The following ATOH8 variants were observed in gnomAD, a reference collection of about 807,000 sequenced individuals.
ATOH8 encodes the protein atonal bHLH transcription factor 8.
Under a neutral mutation model 21.2 loss-of-function variants are expected in ATOH8, and 9 were observed. The ratio of observed to expected loss-of-function variants is 0.42; its 90% CI spans 0.26 to 0.74. The LOEUF (loss-of-function observed/expected upper bound fraction) is 0.74, where lower values mean the gene tolerates loss of function less well. Ranked by LOEUF, ATOH8 falls within the 30% of genes least tolerant of loss-of-function variation. The pLI, the probability that ATOH8 is intolerant of heterozygous loss-of-function variation, is 0.24. For missense variants in ATOH8, 524 were observed against 470.9 expected, an observed-to-expected ratio of 1.11 and a Z score of -1.04; for synonymous variants, 253 against 224.0, an observed-to-expected ratio of 1.13 and a Z score of -1.16.
chr2:85,779,904 A>T (rs1331085182), intron 2 of ATOH8, among the ~76,000 whole-genome samples: 1 of 152,048 alleles, frequency 6.6e-6, no homozygotes, highest in East Asian at 1.9e-4. Flanking sequence ...CCCTGGGAGG[A>T]TGGGGTGCTC....
chr2:85,776,054 G>T (rs558394642), intron 2 of ATOH8, among the ~76,000 whole-genome samples: 1 of 152,194 alleles, frequency 6.6e-6, no homozygotes, highest in East Asian at 1.9e-4. Context: ...GCACTTTCCG[G>T]TTTGCAGAGC....
At chr2:85,768,178 G>A (rs982566572) in intron 2 of ATOH8, among the ~76,000 whole-genome samples, 1 of 152,196 alleles carries the variant, frequency 6.6e-6, no homozygotes, top group African/African-American at 2.4e-5. Context: ...GTCCATTGCT[G>A]TTCCTCTCTG....
chr2:85,758,690 CTCTGGTCTGG>C (rs752673245), intron 1 of ATOH8, among the ~76,000 whole-genome samples: 1 of 152,176 alleles, frequency 6.6e-6, no homozygotes, highest in Non-Finnish European at 1.5e-5. Context: ...GAGAGAGGCC[CTCTGGTCTGG>C]TCTGGTCTGG....
Position 85,754,665 on chromosome 2 carries a change from C to G in ATOH8, c.476C>G (p.Pro159Arg), listed in dbSNP as rs762860338. The stretch of plus-strand genomic sequence containing the variant: ...CGTCCTCGCATCTTGCTGTGCGCAC[C>G]GCCCGCGCGCCCCGCGCCGTCAGCA... ...GLRPRILLCA[P>R]PARPAPSAPP... is the part of the protein sequence containing the mutation. The change falls in exon 1 of 3, where the codon CCG (proline) becomes CGG (arginine). Residue 159 changes from proline to arginine, a missense_variant. Coordinates refer to ENST00000306279, the MANE Select transcript of ATOH8 (RefSeq NM_032827.7). The G allele has an allele frequency of 2.6e-6, 4 of 1,543,166 alleles. No homozygotes were observed. The highest frequency in any genetic ancestry group is 3.4e-4 in the Middle Eastern group (2 of 5,844).
At chr2:85,756,187 G>A (rs1679689143) in intron 1 of ATOH8, among the ~76,000 whole-genome samples, 1 of 150,446 alleles carries the variant, frequency 6.6e-6, no homozygotes, top group Admixed American at 6.6e-5. Flanking sequence ...GTGGGGTGGG[G>A]GTGGGGGTGG....
chr2:85,771,651 A>T (rs1215276111), intron 2 of ATOH8, among the ~76,000 whole-genome samples: 1 of 152,184 alleles, frequency 6.6e-6, no homozygotes, highest in African/African-American at 2.4e-5. Context: ...AAATCCTCGG[A>T]TGTCAAAGTA....
At chr2:85,764,645 G>GTCATTCAT (rs889822589) in intron 2 of ATOH8, among the ~76,000 whole-genome samples, 3 of 152,162 alleles carry the variant, frequency 2.0e-5, no homozygotes, top group Non-Finnish European at 2.9e-5. Context: ...GGCGGTGATG[G>GTCATTCAT]TCATTCATTC....
chr2:85,774,575 G>C, intron 2 of ATOH8: 1 of 985,644 alleles, frequency 1.0e-6, no homozygotes, highest in Middle Eastern at 5.2e-4. Flanking sequence ...ACCGGCGCCT[G>C]TCTTAGCTGC....
chr2:85,789,037 C>A lies in ATOH8; in HGVS notation c.*2147C>A, dbSNP rs939920188. ...GTTGTCCCTCGGAGCCTCTGAGTAA[C>A]CCTGATGGCACTTCCTAAGGCAGCA... On this transcript the variant is annotated 3_prime_UTR_variant, in exon 3 of 3. Coordinates refer to ENST00000306279, the MANE Select transcript of ATOH8 (RefSeq NM_032827.7). Among the ~76,000 whole-genome samples the A allele has an allele frequency of 3.3e-5, 5 of 152,148 alleles. No homozygotes were observed. The highest frequency in any genetic ancestry group is 1.5e-5 in the Non-Finnish European group (1 of 68,020).
At position 85,779,490 on chromosome 2, in the gene ATOH8, C is replaced by T. The variant is rs888490441; in HGVS notation, c.961-7395C>T. On this transcript the variant is annotated intron_variant, in intron 2 of 2. Coordinates refer to ENST00000306279, the MANE Select transcript of ATOH8 (RefSeq NM_032827.7). ...GCTGCCTCTGCAGGCCCAGTGGGCT[C>T]CTCTAAGCTCTGGCCCTGGCCCTGG... is the stretch of plus-strand genomic sequence containing the variant. 3.9e-5 allele frequency among the ~76,000 whole-genome samples: 6 copies of T among 152,234 alleles called. No homozygotes were observed. In the East Asian group the frequency reaches 1.2e-3, roughly 29 times the overall value.
chr2:85,769,408 G>T (rs1295079729), intron 2 of ATOH8, among the ~76,000 whole-genome samples: 1 of 152,228 alleles, frequency 6.6e-6, no homozygotes, highest in African/African-American at 2.4e-5. Flanking sequence ...GCCTGCAGCC[G>T]TGTGCCAGTG....
At chr2:85,764,233 G>A (rs780536843) in intron 2 of ATOH8, 51 bp downstream of exon 2, 2 of 1,602,276 alleles carry the variant, frequency 1.2e-6, no homozygotes, top group South Asian at 1.1e-5. Flanking sequence ...AGGGGAGGCA[G>A]GGACAGGAAC....
intron 2 of ATOH8, among the ~76,000 whole-genome samples, chr2:85,778,319 C>T (rs921286262): frequency 5.9e-5 from 9 of 152,036 alleles, no homozygotes; most frequent in Admixed American, 2.6e-4. Context: ...TGTGTGTGCG[C>T]GCGCGTGTGT....
chr2:85,762,211 A>C (rs999506706), intron 1 of ATOH8, among the ~76,000 whole-genome samples: 1 of 152,240 alleles, frequency 6.6e-6, no homozygotes, highest in South Asian at 2.1e-4. Flanking sequence ...CAATATGACA[A>C]GGAAACCGAG....
At chr2:85,778,013 C>A (rs921232620) in intron 2 of ATOH8, among the ~76,000 whole-genome samples, 1 of 152,238 alleles carries the variant, frequency 6.6e-6, no homozygotes, top group Non-Finnish European at 1.5e-5. Context: ...CTTCCTACCC[C>A]ACCCCGATGG....
intron 2 of ATOH8, among the ~76,000 whole-genome samples, chr2:85,778,579 G>T (rs1680398537): frequency 6.6e-6 from 1 of 152,212 alleles, no homozygotes; most frequent in South Asian, 2.1e-4. Context: ...AGTATCCACA[G>T]CCGGGCTCCG....
rs144090710 is a variant in ATOH8 at position 85,763,347 on chromosome 2, G to T, written c.769-644G>T. Among the ~76,000 whole-genome samples, 581 of 152,302 alleles carry T rather than the reference G, an allele frequency of 3.8e-3. 2 individuals are homozygous for T. Among genetic ancestry groups the T allele is most frequent in the African/African-American group, 0.013 (540 of 41,546 alleles). On this transcript the variant is annotated intron_variant, in intron 1 of 2. Transcript: ENST00000306279. ...AATCATTGACAAACGTGTCAAGTTT[G>T]TTCAGTGCCGTGTGTATTACGCCAC...
In ATOH8 at chr2:85,785,303, C is replaced by A. The variant is rs377529738; in HGVS notation, c.961-1582C>A. ...GCCATCCCCACGGGTTTCCTTTCCG[C>A]TTCTTAATCCTCCTCCTCAGACTCG... On this transcript the variant is annotated intron_variant, in intron 2 of 2. Coordinates refer to ENST00000306279, the MANE Select transcript of ATOH8 (RefSeq NM_032827.7). This position sits in a 1 kb window ranked among gnomAD's most constrained non-coding sequence, Gnocchi z 4.1. Among the ~76,000 whole-genome samples, 198 of 152,374 alleles carry A rather than the reference C, an allele frequency of 1.3e-3. No individual in the cohort carries two copies. Among genetic ancestry groups the A allele is most frequent in the African/African-American group, 4.4e-3 (185 of 41,588 alleles).
chr2:85,764,929 C>T (rs1418740586), intron 2 of ATOH8, among the ~76,000 whole-genome samples: 1 of 152,118 alleles, frequency 6.6e-6, no homozygotes, highest in African/African-American at 2.4e-5. Flanking sequence ...ACCAGGTCAC[C>T]AGGCAGATGA....
Sources: gnomAD v4.1 joint callset for allele counts (sites outside exome capture counted in the v4.1 genomes callset) on GRCh38, gnomAD v4.1.1 for gene constraint, Gnocchi (gnomAD v3.1) non-coding constraint, MANE v1.5 for transcripts, NCBI Gene and HGNC (gene_info 2026-07-23, HGNC 2026-07-21) for gene names.